The following SCFD2 variants were observed in gnomAD, a reference collection of about 807,000 sequenced individuals.
The protein encoded by SCFD2 is sec1 family domain-containing protein 2.
SCFD2 carries 54 observed loss-of-function variants against 58.9 expected under a neutral mutation model. That is an observed-to-expected ratio of 0.92 (90% CI 0.74 to 1.15). The LOEUF (loss-of-function observed/expected upper bound fraction) is 1.15, where lower values mean the gene tolerates loss of function less well. SCFD2 is among the 50% of genes most tolerant of loss of function. The pLI is 0.00. For missense variants in SCFD2, 805 were observed against 836.6 expected (o/e 0.96, Z 0.47); for synonymous variants, 321 against 335.9 (o/e 0.96, Z 0.49).
At chr4:53,179,632 T>A (rs146522311) in intron 4 of SCFD2, among the ~76,000 whole-genome samples, 2,591 of 152,190 alleles carry the variant, frequency 0.017, 84 homozygotes, top group African/African-American at 0.059. Context: ...AATGACAGGA[T>A]CAAATTCACA....
chr4:53,341,286 T>G (rs1255238782), intron 2 of SCFD2, among the ~76,000 whole-genome samples: 1 of 152,130 alleles, frequency 6.6e-6, no homozygotes, highest in African/African-American at 2.4e-5. Flanking sequence ...CTGAAAACCA[T>G]GGCACAAGAA....
intron 3 of SCFD2, among the ~76,000 whole-genome samples, chr4:53,301,732 A>C (rs1732308188): frequency 6.6e-6 from 1 of 152,180 alleles, no homozygotes; most frequent in South Asian, 2.1e-4. Context: ...ATCCAGCAAC[A>C]CATCAAAAAG....
intron 4 of SCFD2, among the ~76,000 whole-genome samples, chr4:53,258,531 T>TGA: frequency 8.4e-6 from 1 of 118,768 alleles, no homozygotes. Context: ...TATTCCATGG[T>TGA]GTGTGTGTAT....
At chr4:53,095,759 T>C (rs1365902093) in intron 5 of SCFD2, among the ~76,000 whole-genome samples, 1 of 152,266 alleles carries the variant, frequency 6.6e-6, no homozygotes, top group East Asian at 1.9e-4. Context: ...CTAGGGTACA[T>C]GTGCACAACG....
In SCFD2 at chr4:53,149,062, G is replaced by T. The variant is rs115140998; in HGVS notation, c.1312-3480C>A. On this transcript the variant is annotated intron_variant, in intron 4 of 8. Coordinates refer to ENST00000401642, the MANE Select transcript of SCFD2 (RefSeq NM_152540.4). ...TTGTGGATACAGATGGACAAATCCA[G>T]AAATAACTGTAGACATGCATGTAAC... 4.9e-3 allele frequency among the ~76,000 whole-genome samples: 740 copies of T among 152,278 alleles called. 7 individuals carry two copies. The highest frequency in any genetic ancestry group is 0.017 in the African/African-American group (692 of 41,538).
At chr4:53,025,867 C>T (rs897408938) in intron 5 of SCFD2, among the ~76,000 whole-genome samples, 1 of 152,146 alleles carries the variant, frequency 6.6e-6, no homozygotes, top group Admixed American at 6.5e-5. Context: ...CTGTTAAATA[C>T]ATGTATAAAA....
chr4:53,123,606 C>T (rs1725545133), intron 5 of SCFD2, among the ~76,000 whole-genome samples: 1 of 152,094 alleles, frequency 6.6e-6, no homozygotes, highest in African/African-American at 2.4e-5. Flanking sequence ...CTCGTTGATG[C>T]CCAAAATGCT....
intron 4 of SCFD2, among the ~76,000 whole-genome samples, chr4:53,231,584 T>C (rs534680634): frequency 6.6e-6 from 1 of 152,308 alleles, no homozygotes; most frequent in Admixed American, 6.5e-5. Context: ...ACCCAATCAA[T>C]ATATGAATTA....
intron 2 of SCFD2, among the ~76,000 whole-genome samples, chr4:53,324,798 A>G (rs978982507): frequency 2.0e-5 from 3 of 152,164 alleles, no homozygotes; most frequent in African/African-American, 7.2e-5. Context: ...GTTCTGACTG[A>G]TAAGTTTGCA....
chr4:53,293,412 T>C (rs562591043), intron 3 of SCFD2, among the ~76,000 whole-genome samples: 3 of 151,964 alleles, frequency 2.0e-5, no homozygotes, highest in Non-Finnish European at 4.4e-5. Context: ...ATGGCACAAG[T>C]TTACCTATGT....
At chr4:53,337,041 A>G (rs901786005) in intron 2 of SCFD2, among the ~76,000 whole-genome samples, 30 of 152,058 alleles carry the variant, frequency 2.0e-4, no homozygotes, top group African/African-American at 7.2e-4. Context: ...TGATGGGTGT[A>G]TTAGTCTACT....
chr4:53,104,044 T>C (rs539990156), intron 5 of SCFD2, among the ~76,000 whole-genome samples: 1 of 152,190 alleles, frequency 6.6e-6, no homozygotes, highest in South Asian at 2.1e-4. Context: ...GAAGAATTCC[T>C]AATAATTATG....
intron 5 of SCFD2, among the ~76,000 whole-genome samples, chr4:53,060,984 G>A (rs1217073819): frequency 6.6e-6 from 1 of 151,936 alleles, no homozygotes; most frequent in Non-Finnish European, 1.5e-5. Flanking sequence ...ATTTTCTTGT[G>A]AATTACAAAA....
At chr4:52,910,137 C>A (rs148392400) in intron 6 of SCFD2, among the ~76,000 whole-genome samples, 1 of 152,244 alleles carries the variant, frequency 6.6e-6, no homozygotes, top group Admixed American at 6.5e-5. Context: ...CATTCTCCAG[C>A]CTTCCTTGCA....
intron 5 of SCFD2, among the ~76,000 whole-genome samples, chr4:53,122,960 C>CA (rs971155176): frequency 6.6e-5 from 10 of 151,532 alleles, no homozygotes; most frequent in Admixed American, 5.9e-4. Flanking sequence ...CTTATTCATA[C>CA]AAAAAAATTA....
intron 2 of SCFD2, among the ~76,000 whole-genome samples, chr4:53,336,086 T>A (rs944154732): frequency 1.3e-5 from 2 of 152,168 alleles, no homozygotes; most frequent in African/African-American, 4.8e-5. Flanking sequence ...ATAAAGCCCT[T>A]AGAGACTCTT....
chr4:53,218,681 G>A lies in SCFD2; in HGVS notation c.1311+55145C>T, dbSNP rs368160826. Among the ~76,000 whole-genome samples, 61 of 152,284 alleles carry A rather than the reference G, an allele frequency of 4.0e-4. 1 individual carries two copies. The East Asian group carries it at 4.4e-3, about 11-fold the overall frequency. The stretch of plus-strand genomic sequence containing the variant: ...TCCGTCCAGCTTTCTTCCGTTGCTG[G>A]CGACGAGCTGCATTCCTTTGGAGGG... On this transcript the variant is annotated intron_variant, in intron 4 of 8. Transcript: ENST00000401642.
chr4:53,348,802 C>T (rs190499284), intron 2 of SCFD2, among the ~76,000 whole-genome samples: 3 of 152,080 alleles, frequency 2.0e-5, no homozygotes, highest in African/African-American at 4.8e-5. Context: ...GCAACCTCCA[C>T]CTCCCAGATT....
chr4:53,365,666 G>T lies in SCFD2; in HGVS notation c.276C>A (p.Ile92=). The T allele has an allele frequency of 1.9e-6, 3 of 1,614,212 alleles. No homozygotes were observed. Among genetic ancestry groups the T allele is most frequent in the Non-Finnish European group, 2.5e-6 (3 of 1,180,042 alleles). ...AATACTGGAAGTGACTGCGGCAGAT[G>T]ATGTCCCGTAGGATCTCCACGGTCC... is the stretch of plus-strand genomic sequence containing the variant. ...KGRTVEILRD[I]ICRSHFQYCV... Residue 92 remains isoleucine, a synonymous_variant, in exon 1 of 9, where the codon ATC becomes ATA. Transcript: ENST00000401642. This position sits in a 1 kb window ranked among gnomAD's most constrained non-coding sequence, Gnocchi z 4.3.
Sources: allele counts gnomAD v4.1 joint callset (sites outside exome capture counted in the v4.1 genomes callset), GRCh38; gene constraint gnomAD v4.1.1; non-coding constraint Gnocchi (gnomAD v3.1); transcripts MANE v1.5; gene names NCBI Gene and HGNC (gene_info 2026-07-23, HGNC 2026-07-21).